The following GRAMD2B variants were observed in gnomAD, a reference collection of about 807,000 sequenced individuals.
GRAMD2B encodes the protein GRAM domain containing 2B, also known as GRAM domain-containing protein 2B.
In GRAMD2B, 41 loss-of-function variants were observed where a neutral mutation model predicts 59.2. The observed-to-expected ratio is 0.69, with a 90% CI of 0.54 to 0.90. GRAMD2B has a LOEUF of 0.90. Ranked by LOEUF, GRAMD2B falls within the 40% of genes least tolerant of loss-of-function variation. GRAMD2B has a pLI of 0.00. For missense variants in GRAMD2B, 424 were observed against 500.5 expected (o/e 0.85, Z 1.46); for synonymous variants, 161 against 182.7 (o/e 0.88, Z 0.96).
upstream of GRAMD2B, among the ~76,000 whole-genome samples, chr5:126,422,918 C>G (rs1349212008): frequency 6.6e-6 from 1 of 150,550 alleles, no homozygotes; most frequent in Non-Finnish European, 1.5e-5. Context: ...TCTAACCACC[C>G]CCCCCACCCC....
chr5:126,440,040 C>A (rs991264593), intron 1 of GRAMD2B, among the ~76,000 whole-genome samples: 1 of 151,922 alleles, frequency 6.6e-6, no homozygotes, highest in Non-Finnish European at 1.5e-5. Flanking sequence ...AATAAATTAC[C>A]CAGTCTCCGG....
chr5:126,360,365 AG>A lies in GRAMD2B; in HGVS notation c.36del (p.Ser13AlafsTer22). The A allele has an allele frequency of 6.4e-7, 1 of 1,551,392 alleles. No individual in the cohort carries two copies. Among genetic ancestry groups the A allele is most frequent in the Non-Finnish European group, 8.7e-7 (1 of 1,146,752 alleles). On this transcript the variant is annotated frameshift_variant, in exon 1 of 14. Transcript: ENST00000513040. LOFTEE classifies it high-confidence loss of function. ...GAGACAGCAAGTCCTACAAGCAAAA[AG>A]GAGCATTCAGCAAACATTCCAAGCA...
chr5:126,489,335 A>G (rs904331879), intron 13 of GRAMD2B, among the ~76,000 whole-genome samples: 4 of 152,232 alleles, frequency 2.6e-5, no homozygotes, highest in African/African-American at 7.2e-5. Flanking sequence ...CATGGAAGAT[A>G]GACGTCATTG....
In GRAMD2B at chr5:126,410,157, G is replaced by A. The variant is rs1346900098; in HGVS notation, c.125+38590G>A. Among the ~76,000 whole-genome samples, 4 of 152,236 alleles carry A rather than the reference G, an allele frequency of 2.6e-5. No individual in the cohort carries two copies. In the East Asian group the frequency reaches 7.7e-4, roughly 29 times the overall value. On this transcript the variant is annotated intron_variant, in intron 1 of 8. Transcript: ENST00000506445. ...AGCTTTGTTCTTTTGGCTTAGGATT[G>A]ACTTAGCAATGCGGGCTCTTTTTTG...
chr5:126,469,292 G>A (rs765248334), intron 2 of GRAMD2B, among the ~76,000 whole-genome samples: 1 of 152,044 alleles, frequency 6.6e-6, no homozygotes, highest in African/African-American at 2.4e-5. Flanking sequence ...ACAAATGTCA[G>A]GTTTTCTTAG....
chr5:126,362,633 C>G (rs1002674790), intron 1 of GRAMD2B, among the ~76,000 whole-genome samples: 6 of 152,236 alleles, frequency 3.9e-5, no homozygotes, highest in Non-Finnish European at 7.4e-5. Context: ...GTCATTAATT[C>G]TGAATACATT....
At chr5:126,380,461 A>AT (rs756405503) in intron 1 of GRAMD2B, among the ~76,000 whole-genome samples, 36 of 151,982 alleles carry the variant, frequency 2.4e-4, no homozygotes, top group Non-Finnish European at 4.9e-4. Context: ...TTTGATGGAA[A>AT]TTGCATTGAA....
chr5:126,382,841 G>GCT (rs1580717675), intron 1 of GRAMD2B, among the ~76,000 whole-genome samples: 1 of 152,114 alleles, frequency 6.6e-6, no homozygotes, highest in East Asian at 1.9e-4. Flanking sequence ...GGAAGATCTG[G>GCT]GGCTCAAGGG....
chr5:126,423,799 G>A, intron 1 of GRAMD2B, 110 bp downstream of exon 1: 1 of 1,014,400 alleles, frequency 9.9e-7, no homozygotes, highest in Non-Finnish European at 1.4e-6. Flanking sequence ...GCTCCTATAT[G>A]GACAATCTTG....
intron 1 of GRAMD2B, among the ~76,000 whole-genome samples, chr5:126,456,264 G>A (rs565775634): frequency 6.6e-6 from 1 of 152,108 alleles, no homozygotes; most frequent in Admixed American, 6.5e-5. Flanking sequence ...AGGGTAAAGT[G>A]CAGTGGCACA....
rs1774385025 is a variant in GRAMD2B, at chr5:126,494,341, T to C, written c.*1385T>C. The C allele has an allele frequency of 6.9e-6, 1 of 144,374 alleles. No individual in the cohort carries two copies. Among genetic ancestry groups the C allele is most frequent in the African/African-American group, 2.6e-5 (1 of 38,876 alleles). 8.9% of individuals were successfully genotyped at this position (144,374 alleles called of 1,614,324 possible). The stretch of plus-strand genomic sequence containing the variant: ...TTACAACGGTTTAAAGGAAAGAAAA[T>C]GAACTTTGAAGTCAAAAAAAAAAGA... On this transcript the variant is annotated 3_prime_UTR_variant, in exon 14 of 14. Coordinates refer to ENST00000285689, the MANE Select transcript of GRAMD2B (RefSeq NM_023927.4).
intron 1 of GRAMD2B, among the ~76,000 whole-genome samples, chr5:126,417,949 C>T (rs1697756664): frequency 6.6e-6 from 1 of 152,178 alleles, no homozygotes; most frequent in African/African-American, 2.4e-5. Flanking sequence ...TTGGGCTCTT[C>T]TCTGAAAAAT....
At chr5:126,423,381 T>C (rs1759971135), upstream of GRAMD2B, 1 of 1,339,890 alleles carries the variant, frequency 7.5e-7, no homozygotes, top group Non-Finnish European at 9.5e-7. Flanking sequence ...CTTCCCTCCC[T>C]CTCGGCTTTT....
chr5:126,481,203 AAAAGAAAGAAAGAAAGAAAGAAAG>A (rs199869481), intron 8 of GRAMD2B, among the ~76,000 whole-genome samples: 90 of 80,112 alleles, frequency 1.1e-3, no homozygotes, highest in Middle Eastern at 6.8e-3. Context: ...AAAAAAAAAA[AAAAGAAAGAAAGAAAGAAAGAAAG>A]AAAGAAAGAA....
Position 126,477,807 on chromosome 5 carries a change from A to T in GRAMD2B, c.582+20A>T, listed in dbSNP as rs376851596. The T allele has an allele frequency of 1.5e-4, 228 of 1,485,928 alleles. No homozygotes were observed. The highest frequency in any genetic ancestry group is 1.6e-4 in the Non-Finnish European group (166 of 1,063,288). The allele number at this position is 1,485,928 out of a possible 1,614,324, so 92.0% of individuals were successfully genotyped here. A position where few individuals can be genotyped will look rare whatever the true frequency, so the allele number is the denominator to read the frequency against. On this transcript the variant is annotated intron_variant, in intron 6 of 13. Coordinates refer to ENST00000285689, the MANE Select transcript of GRAMD2B (RefSeq NM_023927.4). Reference sequence around the variant, plus strand: ...GACAGGGTGAGTATGCAGCCGAGCGAGGGCATCTTTGCTTTGTCCTCCTGC... The same window carrying T: ...GACAGGGTGAGTATGCAGCCGAGCGTGGGCATCTTTGCTTTGTCCTCCTGC...
intron 1 of GRAMD2B, among the ~76,000 whole-genome samples, chr5:126,364,379 G>C (rs1754349084): frequency 6.6e-6 from 1 of 152,228 alleles, no homozygotes; most frequent in South Asian, 2.1e-4. Context: ...TATAATTAAT[G>C]ATGGAACCTA....
At chr5:126,439,328 CTTT>C (rs930960414) in intron 1 of GRAMD2B, among the ~76,000 whole-genome samples, 50 of 122,522 alleles carry the variant, frequency 4.1e-4, no homozygotes, top group African/African-American at 1.5e-3. Flanking sequence ...TTTGGTTTTG[CTTT>C]TTTTTTTTTT....
intron 5 of GRAMD2B, among the ~76,000 whole-genome samples, chr5:126,474,638 C>CA (rs1581208874): frequency 6.6e-6 from 1 of 152,132 alleles, no homozygotes; most frequent in East Asian, 1.9e-4. Context: ...CATCTCTGAG[C>CA]AGAGCAGCAG....
chr5:126,396,029 T>C (rs1360226055), intron 1 of GRAMD2B, among the ~76,000 whole-genome samples: 2 of 152,144 alleles, frequency 1.3e-5, no homozygotes, highest in Non-Finnish European at 2.9e-5. Flanking sequence ...TGTAAAAGGG[T>C]TCCCTTTTCT....
Sources: allele counts gnomAD v4.1 joint callset (sites outside exome capture counted in the v4.1 genomes callset), GRCh38; gene constraint gnomAD v4.1.1; transcripts MANE v1.5; gene names NCBI Gene and HGNC (gene_info 2026-07-23, HGNC 2026-07-21).